Variants in PRKN observed in about 807,000 individuals in gnomAD.
PRKN encodes E3 ubiquitin-protein ligase parkin.
PRKN carries 56 observed loss-of-function variants against 59.5 expected under a neutral mutation model. That is an observed-to-expected ratio of 0.94 (90% CI 0.76 to 1.18). The LOEUF is 1.18. Ranked by LOEUF, PRKN falls within the 50% of genes most tolerant of loss-of-function variation. The probability of loss-of-function intolerance (pLI) is 0.00; values close to 1 mark genes in which losing one functional copy is unlikely to be tolerated. For missense variants in PRKN, 657 were observed against 596.4 expected, an observed-to-expected ratio of 1.10 and a Z score of -1.06; for synonymous variants, 250 against 222.1, an observed-to-expected ratio of 1.13 and a Z score of -1.12.
intron 6 of PRKN, among the ~76,000 whole-genome samples, chr6:161,794,140 T>C (rs1357084734): frequency 6.6e-6 from 1 of 152,116 alleles, no homozygotes; most frequent in African/African-American, 2.4e-5. Context: ...CCCTATCAAA[T>C]TAATTATGTT....
intron 7 of PRKN, among the ~76,000 whole-genome samples, chr6:161,738,922 C>CA (rs1788076295): frequency 6.6e-6 from 1 of 152,084 alleles, no homozygotes; most frequent in Admixed American, 6.5e-5. Context: ...AGAGAACTGA[C>CA]AAAAAATAAT....
chr6:162,079,983 C>G (rs1006249670), intron 4 of PRKN, among the ~76,000 whole-genome samples: 2 of 152,020 alleles, frequency 1.3e-5, no homozygotes, highest in African/African-American at 4.8e-5. Flanking sequence ...TCTTAAGGTC[C>G]AGGTTGACAC....
At position 162,235,958 on chromosome 6, in the gene PRKN, GAAGAAAGAAAGAAAGA is replaced by G. The variant is rs58769358; in HGVS notation, c.412+26551_412+26566del. Among the ~76,000 whole-genome samples, 501 of 92,632 alleles carry G rather than the reference GAAGAAAGAAAGAAAGA, an allele frequency of 5.4e-3. 6 individuals are homozygous for G. Among genetic ancestry groups the G allele is most frequent in the East Asian group, 0.025 (100 of 3,970 alleles). The allele number at this position is 92,632 out of a possible 152,430, so 60.8% of individuals were successfully genotyped here. A position where few individuals can be genotyped will look rare whatever the true frequency, so the allele number is the denominator to read the frequency against. ...GGAAGGAAGGAAGGAAGGAAGAAAG[GAAGAAAGAAAGAAAGA>G]AAGAAAGAAAGAAAGAAAGAAAGAA... On this transcript the variant is annotated intron_variant, in intron 3 of 11. Coordinates refer to ENST00000366898, the MANE Select transcript of PRKN (RefSeq NM_004562.3).
Position 161,512,299 on chromosome 6 carries a change from C to A in PRKN, c.1083+36555G>T, listed in dbSNP as rs200427420. 2.4e-3 allele frequency among the ~76,000 whole-genome samples: 366 copies of A among 152,122 alleles called. 6 individuals are homozygous for A. The East Asian group carries it at 0.063, about 26-fold the overall frequency. ...AACAACTCTAAGGAAATGACCCCCC[C>A]CTGAAAATCAAATGGAAGTGGAAAC... On this transcript the variant is annotated intron_variant, in intron 9 of 11. Coordinates refer to ENST00000366898, the MANE Select transcript of PRKN (RefSeq NM_004562.3).
chr6:161,350,360 A>C (rs557203915), intron 11 of PRKN, 149 bp from the exon 12 acceptor site: 8 of 646,538 alleles, frequency 1.2e-5, no homozygotes, highest in South Asian at 1.2e-4. Context: ...AACTGAGGGG[A>C]AAAACTTCAT....
At chr6:161,858,858 C>CTTGTTTTTTTTTTTT (rs1793765234) in intron 6 of PRKN, among the ~76,000 whole-genome samples, 1 of 71,936 alleles carries the variant, frequency 1.4e-5, no homozygotes, top group African/African-American at 5.0e-5. Flanking sequence ...CACAGCTGTA[C>CTTGTTTTTTTTTTTT]TTTTTTTTTT....
At chr6:161,474,156 G>A (rs755243799) in intron 9 of PRKN, among the ~76,000 whole-genome samples, 7 of 152,122 alleles carry the variant, frequency 4.6e-5, no homozygotes, top group Non-Finnish European at 5.9e-5. Flanking sequence ...TTGTATTATG[G>A]CGCCACTGTT....
intron 6 of PRKN, among the ~76,000 whole-genome samples, chr6:161,848,301 A>G (rs1793283249): frequency 6.6e-6 from 1 of 152,162 alleles, no homozygotes; most frequent in Non-Finnish European, 1.5e-5. Context: ...CACATTTTCA[A>G]TAATTTATAT....
chr6:162,325,950 C>A (rs940457335), intron 2 of PRKN, among the ~76,000 whole-genome samples: 2 of 152,134 alleles, frequency 1.3e-5, no homozygotes, highest in Admixed American at 6.5e-5. Flanking sequence ...GTGGTCATGT[C>A]TAATGGTGAC....
At chr6:162,383,757 G>C (rs919697468) in intron 2 of PRKN, among the ~76,000 whole-genome samples, 1 of 152,020 alleles carries the variant, frequency 6.6e-6, no homozygotes, top group African/African-American at 2.4e-5. Flanking sequence ...CCAATAGAAG[G>C]CTGTTTCATC....
intron 2 of PRKN, among the ~76,000 whole-genome samples, chr6:162,320,989 A>G (rs1350373715): frequency 6.6e-6 from 1 of 151,892 alleles, no homozygotes; most frequent in Non-Finnish European, 1.5e-5. Context: ...AGCAAATGAA[A>G]AGCAAAGCAA....
intron 7 of PRKN, among the ~76,000 whole-genome samples, chr6:161,725,644 A>G (rs1787411046): frequency 6.6e-6 from 1 of 152,200 alleles, no homozygotes; most frequent in South Asian, 2.1e-4. Context: ...TATTGCCAAC[A>G]CTAAAAAGAG....
intron 5 of PRKN, among the ~76,000 whole-genome samples, chr6:162,012,752 A>T (rs1258685368): frequency 1.3e-5 from 2 of 152,082 alleles, no homozygotes; most frequent in Non-Finnish European, 2.9e-5. Flanking sequence ...TCTGATCTGG[A>T]ACAGTCCCTC....
intron 2 of PRKN, among the ~76,000 whole-genome samples, chr6:162,321,717 A>C (rs1366139062): frequency 6.6e-6 from 1 of 152,054 alleles, no homozygotes; most frequent in Non-Finnish European, 1.5e-5. Context: ...TTGAAAATCA[A>C]ACATAATTTA....
In PRKN at chr6:161,484,989, C is replaced by T. The variant is rs569724976; in HGVS notation, c.1083+63865G>A. On this transcript the variant is annotated intron_variant, in intron 9 of 11. Coordinates refer to ENST00000366898, the MANE Select transcript of PRKN (RefSeq NM_004562.3). The surrounding 1 kb of genome is among the most constrained non-coding windows in gnomAD (Gnocchi z 4.9). ...GGCAAAAATCAGGTCGGACTAGCAT[C>T]AGTGGCAAAGGAACCAGTCAGATCA... Among the ~76,000 whole-genome samples the T allele has an allele frequency of 3.4e-4, 52 of 152,314 alleles. No individual in the cohort carries two copies. The highest frequency in any genetic ancestry group is 1.2e-3 in the South Asian group (6 of 4,822).
chr6:162,029,090 G>A (rs1345637080), intron 5 of PRKN, among the ~76,000 whole-genome samples: 1 of 152,054 alleles, frequency 6.6e-6, no homozygotes, highest in Non-Finnish European at 1.5e-5. Context: ...GAACTCCTGT[G>A]GCAGGCCAGT....
intron 7 of PRKN, among the ~76,000 whole-genome samples, chr6:161,732,045 A>T (rs1407866147): frequency 6.6e-6 from 1 of 150,476 alleles, no homozygotes; most frequent in Non-Finnish European, 1.5e-5. Flanking sequence ...TAATTTCATC[A>T]CCCAAGTACT....
intron 6 of PRKN, among the ~76,000 whole-genome samples, chr6:161,940,783 G>A (rs987837196): frequency 2.6e-5 from 4 of 152,160 alleles, no homozygotes; most frequent in African/African-American, 9.7e-5. Flanking sequence ...GTACATTCAG[G>A]CTCCCTGCAG....
chr6:162,405,397 C>A (rs887109751), intron 2 of PRKN, among the ~76,000 whole-genome samples: 2 of 152,146 alleles, frequency 1.3e-5, no homozygotes, highest in African/African-American at 4.8e-5. Flanking sequence ...GAATTCAATG[C>A]ACAGTAAATA....
Sources: allele counts gnomAD v4.1 joint callset (sites outside exome capture counted in the v4.1 genomes callset), GRCh38; gene constraint gnomAD v4.1.1; non-coding constraint Gnocchi (gnomAD v3.1); transcripts MANE v1.5; gene names NCBI Gene and HGNC (gene_info 2026-07-23, HGNC 2026-07-21).